Variants in TMPRSS12 observed in about 807,000 individuals in gnomAD.
TMPRSS12 encodes the protein transmembrane protease serine 12.
Under a neutral mutation model 26.0 loss-of-function variants are expected in TMPRSS12, and 25 were observed. The ratio of observed to expected loss-of-function variants is 0.96; its 90% CI spans 0.70 to 1.34. The LOEUF (loss-of-function observed/expected upper bound fraction) is 1.34, where lower values mean the gene tolerates loss of function less well. TMPRSS12 is among the 40% of genes most tolerant of loss of function. The probability of loss-of-function intolerance (pLI) is 0.00; values close to 1 mark genes in which losing one functional copy is unlikely to be tolerated. For missense variants in TMPRSS12, 441 were observed against 440.1 expected (o/e 1.00, Z -0.02); for synonymous variants, 150 against 161.7 (o/e 0.93, Z 0.55).
chr12:50,843,474 C>G (rs1400926788), intron 1 of TMPRSS12, among the ~76,000 whole-genome samples: 1 of 152,094 alleles, frequency 6.6e-6, no homozygotes. Context: ...AAAAATTAGC[C>G]CAACAAGTGA....
chr12:50,878,782 G>A lies in TMPRSS12; in HGVS notation c.653-6464G>A, dbSNP rs572301772. On this transcript the variant is annotated intron_variant, in intron 3 of 4. Transcript: ENST00000398458. ...AAAAAAACCCTTGGAGCTTTTCTCC[G>A]TACTATATTCAATAGTGGTACAATC... Among the ~76,000 whole-genome samples the A allele has an allele frequency of 6.6e-5, 10 of 152,280 alleles. No homozygotes were observed. In the South Asian group the frequency reaches 8.3e-4, roughly 13 times the overall value.
At chr12:50,869,939 TG>T (rs34860699) in intron 3 of TMPRSS12, among the ~76,000 whole-genome samples, 1 of 152,058 alleles carries the variant, frequency 6.6e-6, no homozygotes, top group African/African-American at 2.4e-5. Context: ...AAAAATTAGC[TG>T]GGCATGGTTG....
At chr12:50,875,414 G>A (rs957988045) in intron 3 of TMPRSS12, among the ~76,000 whole-genome samples, 7 of 150,096 alleles carry the variant, frequency 4.7e-5, no homozygotes, top group East Asian at 2.0e-4. Flanking sequence ...TCGCTTGAAC[G>A]TGGAAGGGGA....
intron 3 of TMPRSS12, among the ~76,000 whole-genome samples, chr12:50,872,575 ATATATGTACATATATATGACG>A (rs1412144544): frequency 1.1e-4 from 16 of 140,632 alleles, no homozygotes; most frequent in East Asian, 4.3e-4. Context: ...TATATGCCAT[ATATATGTACATATATATGACG>A]TATATGTACA....
At chr12:50,844,661 C>T (rs1393081489) in intron 2 of TMPRSS12, among the ~76,000 whole-genome samples, 1 of 152,152 alleles carries the variant, frequency 6.6e-6, no homozygotes, top group Non-Finnish European at 1.5e-5. Flanking sequence ...AGGTGTAAGC[C>T]ACCATGCTCG....
chr12:50,858,696 C>A, intron 2 of TMPRSS12, 89 bp from the exon 3 acceptor site: 1 of 1,043,184 alleles, frequency 9.6e-7, no homozygotes, highest in Non-Finnish European at 1.3e-6. Context: ...TTTTATTAAT[C>A]TAACATGAGA....
Position 50,872,835 on chromosome 12 carries a change from AT to A in TMPRSS12, c.653-12410del, listed in dbSNP as rs372213289. On this transcript the variant is annotated intron_variant, in intron 3 of 4. Coordinates refer to ENST00000398458, the MANE Select transcript of TMPRSS12 (RefSeq NM_182559.3). ...ATATGACGTATATATGTACATATAT[AT>A]GACGTCTATATATGTACATATATAT... 9.6e-4 allele frequency among the ~76,000 whole-genome samples: 34 copies of A among 35,416 alleles called. 4 individuals are homozygous for A. The highest frequency in any genetic ancestry group is 2.7e-3 in the African/African-American group (27 of 10,044). The allele number at this position is 35,416 out of a possible 152,430, so 23.2% of individuals were successfully genotyped here.
intron 3 of TMPRSS12, among the ~76,000 whole-genome samples, chr12:50,878,584 A>T (rs1938134828): frequency 6.6e-6 from 1 of 152,208 alleles, no homozygotes; most frequent in African/African-American, 2.4e-5. Flanking sequence ...CTCTAAAAAA[A>T]TTAATTTAAT....
At chr12:50,859,105 G>T in intron 3 of TMPRSS12, 52 bp downstream of exon 3, 1 of 1,475,084 alleles carries the variant, frequency 6.8e-7, no homozygotes, top group Non-Finnish European at 9.0e-7. Flanking sequence ...TATGGGCAGA[G>T]GAAGGTCAAA....
At chr12:50,850,788 G>A (rs924606355) in intron 2 of TMPRSS12, among the ~76,000 whole-genome samples, 4 of 152,120 alleles carry the variant, frequency 2.6e-5, no homozygotes, top group African/African-American at 9.7e-5. Flanking sequence ...AAGTGCTTTT[G>A]CCAGCATCCC....
intron 2 of TMPRSS12, among the ~76,000 whole-genome samples, chr12:50,844,517 A>G (rs1470489717): frequency 1.3e-5 from 2 of 151,750 alleles, no homozygotes; most frequent in Non-Finnish European, 2.9e-5. Flanking sequence ...GGAATTACAG[A>G]TGCCTGCCAT....
chr12:50,847,986 A>G (rs1045985916), intron 2 of TMPRSS12: 9 of 151,996 alleles, frequency 5.9e-5, no homozygotes, highest in African/African-American at 1.7e-4. Flanking sequence ...CACCAGTAAT[A>G]TGAGGTACGG....
chr12:50,875,539 T>C (rs1296960401), intron 3 of TMPRSS12, among the ~76,000 whole-genome samples: 1 of 150,078 alleles, frequency 6.7e-6, no homozygotes, highest in Non-Finnish European at 1.5e-5. Context: ...ATGGTATTGT[T>C]ACCAAAACAG....
chr12:50,843,329 C>T (rs1937732838), intron 1 of TMPRSS12, among the ~76,000 whole-genome samples, 178 bp downstream of exon 1: 1 of 152,152 alleles, frequency 6.6e-6, no homozygotes, highest in Admixed American at 6.5e-5. Context: ...TGAAATGACA[C>T]ATTTGTATTG....
chr12:50,849,728 A>ATT (rs1454547781), intron 2 of TMPRSS12, among the ~76,000 whole-genome samples: 1 of 151,782 alleles, frequency 6.6e-6, no homozygotes, highest in East Asian at 1.9e-4. Flanking sequence ...TCCTTTTTAA[A>ATT]AAAAAAAAAA....
chr12:50,879,035 G>C lies in TMPRSS12; in HGVS notation c.653-6211G>C, dbSNP rs536920378. On this transcript the variant is annotated intron_variant, in intron 3 of 4. Transcript: ENST00000398458. Reference sequence around the variant, plus strand: ...CTAATCAGACACCGAATCTGCCAGTGCCTTGATCTTCAATTTCAGCATCCA... The same window carrying C: ...CTAATCAGACACCGAATCTGCCAGTCCCTTGATCTTCAATTTCAGCATCCA... Among the ~76,000 whole-genome samples the C allele has an allele frequency of 2.6e-5, 4 of 152,312 alleles. No homozygotes were observed. In the East Asian group the frequency reaches 7.7e-4, roughly 29 times the overall value.
At chr12:50,886,984 T>C (rs948621770) in intron 4 of TMPRSS12, 1 of 327,308 alleles carries the variant, frequency 3.1e-6, no homozygotes. Flanking sequence ...TATTTAAAAA[T>C]CCAAACAATT....
intron 3 of TMPRSS12, among the ~76,000 whole-genome samples, chr12:50,879,525 T>C (rs1938144898): frequency 6.6e-6 from 1 of 152,244 alleles, no homozygotes; most frequent in South Asian, 2.1e-4. Flanking sequence ...CATTTCCATT[T>C]CAATATGATA....
chr12:50,871,107 A>T (rs894047634), intron 3 of TMPRSS12, among the ~76,000 whole-genome samples: 5 of 152,220 alleles, frequency 3.3e-5, no homozygotes, highest in Non-Finnish European at 5.9e-5. Context: ...TCTAAAATTC[A>T]TATGGAACCA....
Sources: gnomAD v4.1 joint callset for allele counts (sites outside exome capture counted in the v4.1 genomes callset) on GRCh38, gnomAD v4.1.1 for gene constraint, MANE v1.5 for transcripts, NCBI Gene and HGNC (gene_info 2026-07-23, HGNC 2026-07-21) for gene names.